SNAPC4: variants seen among roughly 807,000 people sequenced by gnomAD.
SNAPC4 encodes the protein small nuclear RNA activating complex polypeptide 4.
SNAPC4 carries 127 observed loss-of-function variants against 151.3 expected under a neutral mutation model. The ratio of observed to expected loss-of-function variants is 0.84; its 90% CI spans 0.73 to 0.97. SNAPC4 has a LOEUF of 0.97. Among genes scored for constraint, SNAPC4 ranks in the 50% least tolerant of loss-of-function variants. The pLI, the probability that SNAPC4 is intolerant of heterozygous loss-of-function variation, is 0.00. For synonymous variants in SNAPC4, 1,002 were observed against 824.4 expected, an observed-to-expected ratio of 1.22 and a Z score of -3.69; for missense variants, 2,186 against 1,935.0, an observed-to-expected ratio of 1.13 and a Z score of -2.43.
At position 136,381,405 on chromosome 9, in the gene SNAPC4, G is replaced by C; in HGVS notation, c.2318-13C>G. 1 of 1,610,280 alleles carries C rather than the reference G, an allele frequency of 6.2e-7. No homozygotes were observed. The highest frequency in any genetic ancestry group is 1.1e-5 in the South Asian group (1 of 91,028). On this transcript the variant is annotated splice_polypyrimidine_tract_variant and intron_variant, in intron 18 of 23. Coordinates refer to ENST00000684778, the MANE Select transcript of SNAPC4 (RefSeq NM_003086.4). ...CTGAGGCCATCCGCTGCGGGCACAGGGGGATAAGTGGAAAGCAGCCCCAGC... is the reference window on the plus strand; with the variant it reads ...CTGAGGCCATCCGCTGCGGGCACAGCGGGATAAGTGGAAAGCAGCCCCAGC...
chr9:136,392,510 C>G lies in SNAPC4; in HGVS notation c.810+12G>C, dbSNP rs754579049. On this transcript the variant is annotated intron_variant, in intron 9 of 23. Transcript: ENST00000684778. ...CCAAGCTGCTTGGGGCTCAGACCTGCCCCTGACTTACGTTAATATTGGAAA... is the reference window on the plus strand; with the variant it reads ...CCAAGCTGCTTGGGGCTCAGACCTGGCCCTGACTTACGTTAATATTGGAAA... 1.5e-5 allele frequency: 25 copies of G among 1,613,056 alleles called. No individual in the cohort carries two copies.
chr9:136,384,842 G>A (rs368297813), intron 13 of SNAPC4, 28 bp from the exon 14 acceptor site: 274 of 1,354,530 alleles, frequency 2.0e-4, no homozygotes, highest in Non-Finnish European at 2.7e-4. Context: ...AGCAAAGAAC[G>A]TTTTAGATGC....
chr9:136,394,864 G>C lies in SNAPC4; in HGVS notation c.486C>G (p.Asn162Lys). The part of the protein sequence containing the change: ...DKVTGVGPPA[N>K]EDTREKAAQG... Reference sequence around the variant, plus strand: ...GGGCAGCCTTCTCTCGTGTGTCCTCGTTGGCAGGTGGCCCCTGTCAGGGTG... The same window carrying C: ...GGGCAGCCTTCTCTCGTGTGTCCTCCTTGGCAGGTGGCCCCTGTCAGGGTG... The change falls in exon 6 of 24, where the codon AAC becomes AAG. Residue 162 changes from asparagine to lysine, a missense_variant. Transcript: ENST00000684778. 1 of 1,613,786 alleles carries C rather than the reference G, an allele frequency of 6.2e-7. No homozygotes were observed. Among genetic ancestry groups the C allele is most frequent in the Non-Finnish European group, 8.5e-7 (1 of 1,179,936 alleles).
At position 136,377,882 on chromosome 9, in the gene SNAPC4, G is replaced by A. The variant is rs142001603; in HGVS notation, c.3945C>T (p.Ser1315=). Reference sequence around the variant, plus strand: ...GGGCCTTCTTGTGGAGTAGGAGACCGGACAGAGCTCGCAGGCTGCACAGGG... The same window carrying A: ...GGGCCTTCTTGTGGAGTAGGAGACCAGACAGAGCTCGCAGGCTGCACAGGG... ...PPALCSLRAL[S]GLLLHKKALE... The change falls in exon 22 of 24, where the codon TCC becomes TCT. Residue 1315 remains serine, a synonymous_variant. Transcript: ENST00000684778. 7.2e-5 allele frequency: 116 copies of A among 1,611,466 alleles called. No individual in the cohort carries two copies. In the African/African-American group the frequency reaches 8.5e-4, roughly 12 times the overall value.
rs1477215072 is a variant in SNAPC4, at chr9:136,384,642, T to C, written c.1420+78A>G. On this transcript the variant is annotated intron_variant, in intron 14 of 23. Transcript: ENST00000684778. ...CCAGCCTGGACGACAGAGCTTGCTCTGTCTTTATCTTGATCTCTTTTCTAA... is the reference window on the plus strand; with the variant it reads ...CCAGCCTGGACGACAGAGCTTGCTCCGTCTTTATCTTGATCTCTTTTCTAA... 11 of 744,564 alleles carry C rather than the reference T, an allele frequency of 1.5e-5. No individual in the cohort carries two copies. The East Asian group carries it at 2.9e-4, about 19-fold the overall frequency. The allele number at this position is 744,564 out of a possible 1,614,324, so 46.1% of individuals were successfully genotyped here. A position where few individuals can be genotyped will look rare whatever the true frequency, so the allele number is the denominator to read the frequency against.
In SNAPC4 at chr9:136,381,316, G is replaced by A. The variant is rs370609152; in HGVS notation, c.2388+6C>T. The A allele has an allele frequency of 1.9e-6, 3 of 1,609,702 alleles. No homozygotes were observed. In the African/African-American group the frequency reaches 4.0e-5, roughly 21 times the overall value. On this transcript the variant is annotated splice_donor_region_variant and intron_variant, in intron 19 of 23. Transcript: ENST00000684778. ...AGGAAAACGAAGCTCTGCCCAAGTA[G>A]CTTACCTGGGTAAACAGGGTAAACA...
intron 10 of SNAPC4, among the ~76,000 whole-genome samples, chr9:136,390,928 G>A (rs1588759927): frequency 1.3e-5 from 2 of 151,632 alleles, no homozygotes; most frequent in East Asian, 1.9e-4. Context: ...TCCGCCTCCC[G>A]GGTTCACGCC....
chr9:136,377,795 C>T lies in SNAPC4; in HGVS notation c.4032G>A (p.Leu1344=), dbSNP rs779101729. 2 of 1,611,828 alleles carry T rather than the reference C, an allele frequency of 1.2e-6. No homozygotes were observed. The highest frequency in any genetic ancestry group is 4.5e-5 in the East Asian group (2 of 44,864). The stretch of plus-strand genomic sequence containing the variant: ...CCCGCACCAGCCCCAGTGAGGCTTG[C>T]AGTGCTCCGGCCGGCCGCTCAGCCT... ...GGEAERPAGA[L]QASLGLVRGQ... is the part of the protein sequence containing the mutation. Residue 1344 remains leucine, a synonymous_variant, in exon 22 of 24, where the codon CTG becomes CTA. Coordinates refer to ENST00000684778, the MANE Select transcript of SNAPC4 (RefSeq NM_003086.4).
rs761394704 is a variant in SNAPC4, at chr9:136,378,131, C to G, written c.3696G>C (p.Arg1232Ser). Residue 1232 changes from arginine (R) to serine (S), a missense_variant, in exon 22 of 24, where the codon AGG becomes AGC. Arg to Ser is a moderately radical substitution (Grantham distance 110). Transcript: ENST00000684778. Reference protein sequence around the residue: ...PGSPSGTQEPRGPLGLEKLPL... With the variant: ...PGSPSGTQEPSGPLGLEKLPL... ...GCAGCTTCTCCAGGCCCAGAGGCCC[C>G]CTGGGCTCCTGTGTCCCTGAGGGGG... The G allele has an allele frequency of 6.2e-7, 1 of 1,606,052 alleles. No homozygotes were observed. The highest frequency in any genetic ancestry group is 1.1e-5 in the South Asian group (1 of 90,036).
Position 136,376,345 on chromosome 9 carries a change from T to C in SNAPC4, c.*7+4A>G, listed in dbSNP as rs1257474851. On this transcript the variant is annotated splice_donor_region_variant and intron_variant, in intron 23 of 23. Coordinates refer to ENST00000684778, the MANE Select transcript of SNAPC4 (RefSeq NM_003086.4). ...GGGCAGTGGCCTCCCCACTCAGGAC[T>C]CACCTGCTGCTCACACCAGCCGCCT... The C allele has an allele frequency of 3.7e-6, 6 of 1,612,712 alleles. No homozygotes were observed. Among genetic ancestry groups the C allele is most frequent in the Non-Finnish European group, 5.1e-6 (6 of 1,179,890 alleles).
chr9:136,381,299 G>T, intron 19 of SNAPC4, 23 bp downstream of exon 19: 1 of 1,595,242 alleles, frequency 6.3e-7, no homozygotes, highest in Non-Finnish European at 8.6e-7. Context: ...AAAGGAAAAC[G>T]AAGCTCTGCC....
At chr9:136,399,498 C>G (rs1005087820) in intron 1 of SNAPC4, among the ~76,000 whole-genome samples, 1 of 152,232 alleles carries the variant, frequency 6.6e-6, no homozygotes, top group African/African-American at 2.4e-5. Context: ...CTGCCTCCCC[C>G]TCCCCGTGTC....
In SNAPC4 at chr9:136,379,811, C is replaced by G; in HGVS notation, c.2527+26G>C. 1.9e-6 allele frequency: 3 copies of G among 1,611,544 alleles called. No homozygotes were observed. In the South Asian group the frequency reaches 3.3e-5, roughly 18 times the overall value. ...GCCAGGGCCAGGTTAGGTCTCTTCC[C>G]CACCAGGGCAGAGAAGCAGAGTTAC... is the stretch of plus-strand genomic sequence containing the variant. On this transcript the variant is annotated intron_variant, in intron 21 of 23. Transcript: ENST00000684778.
At chr9:136,396,682 C>T (rs927513772) in intron 3 of SNAPC4, among the ~76,000 whole-genome samples, 3 of 152,100 alleles carry the variant, frequency 2.0e-5, no homozygotes, top group Non-Finnish European at 4.4e-5. Context: ...AGGGGCAGGA[C>T]GCAGGTGCAC....
In SNAPC4 at chr9:136,377,650, G is replaced by A. The variant is rs575396612; in HGVS notation, c.4177C>T (p.Pro1393Ser). The change falls in exon 22 of 24, where the codon CCT (proline) becomes TCT (serine). Residue 1393 changes from proline to serine, a missense_variant. By Grantham distance (74) the Pro-to-Ser change is moderately conservative. Transcript: ENST00000684778. ...TCACTCTCAGAGCCCACCCTCGAAG[G>A]TACTGAGAGGGTGGTGCGGACGCCT... is the stretch of plus-strand genomic sequence containing the variant. ...PQGVRTTLSVPSRVGSESEDE... is the reference protein window; with the variant it reads ...PQGVRTTLSVSSRVGSESEDE... 2.1e-5 allele frequency: 33 copies of A among 1,601,478 alleles called. No individual in the cohort carries two copies. The highest frequency in any genetic ancestry group is 2.7e-5 in the Non-Finnish European group (32 of 1,173,048).
At position 136,380,863 on chromosome 9, in the gene SNAPC4, G is replaced by A. The variant is rs963453693; in HGVS notation, c.2389-13C>T. 1.3e-6 allele frequency: 2 copies of A among 1,491,490 alleles called. No individual in the cohort carries two copies. Among genetic ancestry groups the A allele is most frequent in the Non-Finnish European group, 1.9e-6 (2 of 1,068,672 alleles). The allele number at this position is 1,491,490 out of a possible 1,614,324, so 92.4% of individuals were successfully genotyped here. On this transcript the variant is annotated splice_polypyrimidine_tract_variant and intron_variant, in intron 19 of 23. Coordinates refer to ENST00000684778, the MANE Select transcript of SNAPC4 (RefSeq NM_003086.4). ...CGATGTGGAACAGCTGCGGGACACA[G>A]GAGGCAACCTAACCATAGCTGCTTT...
At chr9:136,379,331 C>T (rs1287124860) in intron 21 of SNAPC4, 32 bp from the exon 22 acceptor site, 1 of 1,610,868 alleles carries the variant, frequency 6.2e-7, no homozygotes, top group East Asian at 2.2e-5. Flanking sequence ...ACTTGATAAG[C>T]CCCAGGCATC....
chr9:136,387,127 G>C (rs1370632480), intron 13 of SNAPC4, among the ~76,000 whole-genome samples: 1 of 152,248 alleles, frequency 6.6e-6, no homozygotes, highest in Non-Finnish European at 1.5e-5. Flanking sequence ...AAAATAAGCA[G>C]GAAAAGGAGG....
At chr9:136,399,753 A>G (rs1387372504) in intron 1 of SNAPC4, among the ~76,000 whole-genome samples, 1 of 152,094 alleles carries the variant, frequency 6.6e-6, no homozygotes, top group Admixed American at 6.5e-5. Flanking sequence ...GGCTTGGGAG[A>G]CAGACCCGGC....
Sources: allele counts gnomAD v4.1 joint callset (sites outside exome capture counted in the v4.1 genomes callset), GRCh38; gene constraint gnomAD v4.1.1; transcripts MANE v1.5; gene names NCBI Gene and HGNC (gene_info 2026-07-23, HGNC 2026-07-21).